PAX2: variants seen among roughly 807,000 people sequenced by gnomAD.
PAX2 encodes paired box 2.
Under a neutral mutation model 41.7 loss-of-function variants are expected in PAX2, and 9 were observed. The ratio of observed to expected loss-of-function variants is 0.22; its 90% CI spans 0.13 to 0.38. The LOEUF is 0.38. Among genes scored for constraint, PAX2 ranks in the 10% least tolerant of loss-of-function variants. The pLI, the probability that PAX2 is intolerant of heterozygous loss-of-function variation, is 1.00. For missense variants in PAX2, 418 were observed against 531.6 expected (o/e 0.79, Z 2.10); for synonymous variants, 221 against 212.7 (o/e 1.04, Z -0.34).
intron 1 of PAX2, among the ~76,000 whole-genome samples, chr10:100,736,940 G>C (rs1340494549): frequency 6.6e-6 from 1 of 152,166 alleles, no homozygotes; most frequent in Non-Finnish European, 1.5e-5. Flanking sequence ...GCACCCCCTC[G>C]ACCGTATAAA....
At position 100,827,146 on chromosome 10, in the gene PAX2, T is replaced by C. The variant is rs1178159868; in HGVS notation, c.1108+51T>C. On this transcript the variant is annotated intron_variant, in intron 9 of 9. Coordinates refer to ENST00000355243, the MANE Select transcript of PAX2 (RefSeq NM_000278.5). This position sits in a 1 kb window ranked among gnomAD's most constrained non-coding sequence, Gnocchi z 8.5. ...CGGCTCAGCGCGGCCGCGCGGCTTC[T>C]GGGCACGGTCCCACTCCCGGCGACC... The C allele has an allele frequency of 6.8e-7, 1 of 1,463,816 alleles. No homozygotes were observed. The highest frequency in any genetic ancestry group is 9.6e-7 in the Non-Finnish European group (1 of 1,045,704). 90.7% of individuals were successfully genotyped at this position (1,463,816 alleles called of 1,614,324 possible).
At chr10:100,738,721 T>C (rs953328260) in intron 1 of PAX2, among the ~76,000 whole-genome samples, 7 of 152,198 alleles carry the variant, frequency 4.6e-5, no homozygotes, top group African/African-American at 1.7e-4. Flanking sequence ...TTCCAACATT[T>C]ACCTTGCAGC....
intron 5 of PAX2, among the ~76,000 whole-genome samples, chr10:100,783,341 C>T (rs1300814047): frequency 6.6e-6 from 1 of 152,214 alleles, no homozygotes. Flanking sequence ...AGCAGATAGG[C>T]CCATCAGATA....
At chr10:100,739,284 T>A (rs1028940367) in intron 1 of PAX2, among the ~76,000 whole-genome samples, 1 of 152,150 alleles carries the variant, frequency 6.6e-6, no homozygotes, top group Admixed American at 6.5e-5. Flanking sequence ...GTCCTTTGTC[T>A]CCAGCCACCT....
At chr10:100,815,388 T>C (rs912816421) in intron 7 of PAX2, among the ~76,000 whole-genome samples, 9 of 152,080 alleles carry the variant, frequency 5.9e-5, no homozygotes, top group Non-Finnish European at 1.0e-4. Flanking sequence ...ACTTCAGACG[T>C]GTGGCAAGTC....
intron 3 of PAX2, among the ~76,000 whole-genome samples, chr10:100,770,012 A>G (rs1246455660): frequency 6.6e-6 from 1 of 152,216 alleles, no homozygotes; most frequent in Non-Finnish European, 1.5e-5. Flanking sequence ...AATTTATCCT[A>G]TAGGTGATAG....
intron 7 of PAX2, among the ~76,000 whole-genome samples, chr10:100,815,412 C>G (rs934888189): frequency 6.6e-6 from 1 of 152,168 alleles, no homozygotes; most frequent in African/African-American, 2.4e-5. Flanking sequence ...GATCCCTTTA[C>G]TGTGGAGGCC....
chr10:100,788,869 C>G (rs1846982940), intron 5 of PAX2, among the ~76,000 whole-genome samples: 1 of 148,786 alleles, frequency 6.7e-6, no homozygotes, highest in African/African-American at 2.5e-5. Context: ...TGCACACACA[C>G]CCCCCCCGAC....
At chr10:100,742,011 C>T (rs1204042748), upstream of PAX2, among the ~76,000 whole-genome samples, 1 of 152,198 alleles carries the variant, frequency 6.6e-6, no homozygotes, top group Admixed American at 6.5e-5. Context: ...CTGGGATGCT[C>T]CCGCGGCCCC....
intron 3 of PAX2, among the ~76,000 whole-genome samples, chr10:100,778,308 G>A (rs1028216210): frequency 1.7e-4 from 26 of 152,136 alleles, no homozygotes; most frequent in African/African-American, 4.6e-4. Context: ...GACTTCTTCC[G>A]CAGTTCCCTC....
upstream of PAX2, among the ~76,000 whole-genome samples, chr10:100,744,962 G>T (rs937624426): frequency 1.3e-5 from 2 of 152,182 alleles, no homozygotes; most frequent in African/African-American, 4.8e-5. Flanking sequence ...TGGGTGGGAA[G>T]GTACCTCCGG....
intron 3 of PAX2, among the ~76,000 whole-genome samples, chr10:100,753,338 C>T (rs1400190004): frequency 6.6e-6 from 1 of 152,206 alleles, no homozygotes; most frequent in African/African-American, 2.4e-5. Flanking sequence ...GAACCACGCT[C>T]TCATCTTCAT....
intron 1 of PAX2, among the ~76,000 whole-genome samples, chr10:100,737,003 C>T (rs1844795704): frequency 6.6e-6 from 1 of 152,194 alleles, no homozygotes; most frequent in South Asian, 2.1e-4. Flanking sequence ...AACCTCTCTC[C>T]CCTTTCTTCC....
In PAX2 at chr10:100,750,133, C is replaced by T. The variant is rs999712540; in HGVS notation, c.212+219C>T. ...CAGTGTCACCCAGTGCTTGCCCTGC[C>T]CCTGGTCCCTGGTGAGAAGGCAGCC... On this transcript the variant is annotated intron_variant, in intron 2 of 9. Coordinates refer to ENST00000355243, the MANE Select transcript of PAX2 (RefSeq NM_000278.5). The surrounding 1 kb of genome is among the most constrained non-coding windows in gnomAD (Gnocchi z 4.1). 6.6e-6 allele frequency among the ~76,000 whole-genome samples: 1 copy of T among 152,184 alleles called. No homozygotes were observed. Among genetic ancestry groups the T allele is most frequent in the African/African-American group, 2.4e-5 (1 of 41,428 alleles).
intron 5 of PAX2, among the ~76,000 whole-genome samples, chr10:100,798,392 A>C (rs1421179878): frequency 6.6e-6 from 1 of 152,034 alleles, no homozygotes; most frequent in Non-Finnish European, 1.5e-5. Flanking sequence ...CTGGGATTAC[A>C]GGAGTGAGCC....
At position 100,748,001 on chromosome 10, in the gene PAX2, C is replaced by A. The variant is rs1205087039; in HGVS notation, c.43+1698C>A. The A allele has an allele frequency of 2.6e-5, 26 of 984,468 alleles. No homozygotes were observed. Among genetic ancestry groups the A allele is most frequent in the Admixed American group, 1.8e-4 (3 of 16,232 alleles). The allele number at this position is 984,468 out of a possible 1,614,324, so 61.0% of individuals were successfully genotyped here. A position where few individuals can be genotyped will look rare whatever the true frequency, so the allele number is the denominator to read the frequency against. On this transcript the variant is annotated intron_variant, in intron 1 of 9. Transcript: ENST00000355243. This position sits in a 1 kb window ranked among gnomAD's most constrained non-coding sequence, Gnocchi z 5.0. ...CGGAGGGAGAGAGCCGCAGCGCGGG[C>A]CCGCGGGCCGGTGGACTGGTGGGTG...
At chr10:100,737,917 C>A (rs989500949) in intron 1 of PAX2, among the ~76,000 whole-genome samples, 6 of 152,162 alleles carry the variant, frequency 3.9e-5, no homozygotes, top group African/African-American at 1.4e-4. Context: ...TCCGGAGCAG[C>A]GAAAACCATC....
upstream of PAX2, among the ~76,000 whole-genome samples, chr10:100,744,952 TG>T (rs1845096346): frequency 6.8e-6 from 1 of 147,044 alleles, no homozygotes; most frequent in Admixed American, 6.8e-5. Flanking sequence ...GGGGGGTGCG[TG>T]GGTGGGAAGG....
At chr10:100,792,655 G>A (rs1847169904) in intron 5 of PAX2, among the ~76,000 whole-genome samples, 1 of 152,222 alleles carries the variant, frequency 6.6e-6, no homozygotes, top group Admixed American at 6.5e-5. Flanking sequence ...GAAGCCAGGA[G>A]GTGCTAGGCA....
Sources: allele counts gnomAD v4.1 joint callset (sites outside exome capture counted in the v4.1 genomes callset), GRCh38; gene constraint gnomAD v4.1.1; non-coding constraint Gnocchi (gnomAD v3.1); transcripts MANE v1.5; gene names NCBI Gene and HGNC (gene_info 2026-07-23, HGNC 2026-07-21).